The following MYRFL variants were observed in gnomAD, a reference collection of about 807,000 sequenced individuals.
MYRFL encodes the protein myelin regulatory factor-like protein.
MYRFL carries 88 observed loss-of-function variants against 109.4 expected under a neutral mutation model. The ratio of observed to expected loss-of-function variants is 0.80; its 90% CI spans 0.68 to 0.96. The LOEUF (loss-of-function observed/expected upper bound fraction) is 0.96, where lower values mean the gene tolerates loss of function less well. MYRFL is among the 40% of genes least tolerant of loss of function. MYRFL has a pLI of 0.00. For missense variants in MYRFL, 957 were observed against 954.9 expected (o/e 1.00, Z -0.03); for synonymous variants, 324 against 320.9 (o/e 1.01, Z -0.10).
intron 6 of MYRFL, among the ~76,000 whole-genome samples, chr12:69,887,810 T>C (rs181999775): frequency 2.4e-3 from 370 of 152,346 alleles, no homozygotes; most frequent in Non-Finnish European, 3.9e-3. Context: ...TTGGTGTGTT[T>C]AATAAGCTAA....
intron 21 of MYRFL, 74 bp downstream of exon 21, chr12:69,952,960 T>A: frequency 1.1e-6 from 1 of 937,806 alleles, no homozygotes; most frequent in Non-Finnish European, 1.6e-6. Context: ...AAGACTGCAG[T>A]GGAAGCTAAA....
Position 69,958,630 on chromosome 12 carries a change from A to ATAT in MYRFL, c.*99_*100insTAT, listed in dbSNP as rs1956149581. 1 of 889,324 alleles carries ATAT rather than the reference A, an allele frequency of 1.1e-6. No individual in the cohort carries two copies. The highest frequency in any genetic ancestry group is 3.0e-5 in the Admixed American group (1 of 33,870). 55.1% of individuals were successfully genotyped at this position (889,324 alleles called of 1,614,324 possible). A position where few individuals can be genotyped will look rare whatever the true frequency, so the allele number is the denominator to read the frequency against. ...CAACTTCTTTTTTCTTCTTTGTAAAACATTTACGTTTATTGCTGAAGGACT... is the reference window on the plus strand; with the variant it reads ...CAACTTCTTTTTTCTTCTTTGTAAAATATCATTTACGTTTATTGCTGAAGGACT... On this transcript the variant is annotated 3_prime_UTR_variant, in exon 25 of 25. Transcript: ENST00000552032.
chr12:69,951,628 A>G (rs1955978368), intron 19 of MYRFL, among the ~76,000 whole-genome samples: 1 of 151,856 alleles, frequency 6.6e-6, no homozygotes. Context: ...GGGTTTCACC[A>G]TGTTGGCCAG....
At chr12:69,932,707 C>A in intron 16 of MYRFL, 109 bp downstream of exon 16, 1 of 774,764 alleles carries the variant, frequency 1.3e-6, no homozygotes, top group Non-Finnish European at 2.1e-6. Context: ...AGACAAGAAG[C>A]CCTTTAAACT....
At chr12:69,877,063 A>G (rs1391007866) in intron 2 of MYRFL, among the ~76,000 whole-genome samples, 4 of 91,092 alleles carry the variant, frequency 4.4e-5, no homozygotes, top group Admixed American at 1.1e-4. Flanking sequence ...TCGCTCGGTC[A>G]GCTAGGCTGG....
chr12:69,932,689 T>C, intron 16 of MYRFL, 91 bp downstream of exon 16: 1 of 931,946 alleles, frequency 1.1e-6, no homozygotes. Context: ...CTGGCCTGTT[T>C]ACTTTGAAGA....
intron 2 of MYRFL, among the ~76,000 whole-genome samples, chr12:69,877,031 T>TTC (rs1565988332): frequency 1.5e-4 from 5 of 32,482 alleles, no homozygotes; most frequent in Admixed American, 2.7e-4. Context: ...TTCTTTTTTT[T>TTC]TTTTTTTTTT....
intron 6 of MYRFL, among the ~76,000 whole-genome samples, chr12:69,888,494 T>C (rs1446669759): frequency 6.6e-6 from 1 of 152,234 alleles, no homozygotes; most frequent in Non-Finnish European, 1.5e-5. Context: ...CAAAGAACTT[T>C]TAAAAAGCCA....
At chr12:69,904,141 C>A in intron 11 of MYRFL, 1 of 287,190 alleles carries the variant, frequency 3.5e-6, no homozygotes, top group Non-Finnish European at 6.5e-6. Flanking sequence ...GCCCTTCCTT[C>A]CATACTTTGT....
intron 8 of MYRFL, 26 bp from the exon 9 acceptor site, chr12:69,895,344 GT>G (rs139690592): frequency 0.028 from 32,412 of 1,147,810 alleles, no homozygotes; most frequent in East Asian, 0.041. Flanking sequence ...TAGTCTCTTG[GT>G]TTTTTTTTTT....
rs1884737925 is a variant in MYRFL, at chr12:69,862,375, C to A, written c.137+7005C>A. ...TTTTCACAATATTGATTCTTCCTAC[C>A]CATGAGCATGAAATGTTCTTCCATT... On this transcript the variant is annotated intron_variant, in intron 2 of 24. Coordinates refer to ENST00000552032, the MANE Select transcript of MYRFL (RefSeq NM_182530.3). 5.3e-5 allele frequency among the ~76,000 whole-genome samples: 8 copies of A among 152,256 alleles called. No homozygotes were observed. In the South Asian group the frequency reaches 1.7e-3, roughly 32 times the overall value.
chr12:69,862,859 C>T (rs1342000810), intron 2 of MYRFL, among the ~76,000 whole-genome samples: 2 of 152,076 alleles, frequency 1.3e-5, no homozygotes, highest in Non-Finnish European at 2.9e-5. Flanking sequence ...CAGTTTTTGC[C>T]CATTCAGTAT....
rs191843799 is a variant in MYRFL, at chr12:69,891,984, C to T, written c.903+818C>T. 1.8e-3 allele frequency among the ~76,000 whole-genome samples: 281 copies of T among 152,112 alleles called. 1 individual carries two copies. Among genetic ancestry groups the T allele is most frequent in the African/African-American group, 6.0e-3 (251 of 41,528 alleles). Reference sequence around the variant, plus strand: ...GAGCTACCATATCCAGCCAAGATGTCGATTTCGTAAGCCTGGGCTCAGAAA... The same window carrying T: ...GAGCTACCATATCCAGCCAAGATGTTGATTTCGTAAGCCTGGGCTCAGAAA... On this transcript the variant is annotated intron_variant, in intron 7 of 24. Coordinates refer to ENST00000552032, the MANE Select transcript of MYRFL (RefSeq NM_182530.3).
At chr12:69,834,572 G>A (rs1176758215) in intron 1 of MYRFL, among the ~76,000 whole-genome samples, 1 of 152,188 alleles carries the variant, frequency 6.6e-6, no homozygotes, top group Non-Finnish European at 1.5e-5. Flanking sequence ...ACGTTAAAAT[G>A]ACAGAATAAA....
Position 69,891,077 on chromosome 12 carries a change from A to C in MYRFL, c.814A>C (p.Ile272Leu), listed in dbSNP as rs1179859908. The change falls in exon 7 of 25, where the codon ATC (isoleucine) becomes CTC (leucine). Residue 272 changes from isoleucine (I) to leucine (L), a missense_variant. Coordinates refer to ENST00000552032, the MANE Select transcript of MYRFL (RefSeq NM_182530.3). Reference sequence around the variant, plus strand: ...GAATCATTTCCAGATAACCATTCACATCCAAGTTTGGGGAAGTCCAAAATT... The same window carrying C: ...GAATCATTTCCAGATAACCATTCACCTCCAAGTTTGGGGAAGTCCAAAATT... ...KKNHFQITIH[I>L]QVWGSPKFVE... 29 of 1,535,114 alleles carry C rather than the reference A, an allele frequency of 1.9e-5. No homozygotes were observed. The highest frequency in any genetic ancestry group is 2.4e-5 in the Non-Finnish European group (28 of 1,146,572).
At chr12:69,950,882 C>T (rs1321645431) in intron 19 of MYRFL, among the ~76,000 whole-genome samples, 1 of 152,046 alleles carries the variant, frequency 6.6e-6, no homozygotes, top group African/African-American at 2.4e-5. Context: ...CATTCACAAA[C>T]TAGATAGGAA....
At chr12:69,850,063 T>C (rs889543352) in intron 1 of MYRFL, among the ~76,000 whole-genome samples, 2 of 152,158 alleles carry the variant, frequency 1.3e-5, no homozygotes, top group African/African-American at 4.8e-5. Context: ...GTTCTTGTGA[T>C]AGTGAATGAA....
chr12:69,942,845 C>A (rs10879060), intron 19 of MYRFL, among the ~76,000 whole-genome samples: 46,970 of 151,000 alleles, frequency 0.31, 7,632 homozygotes, highest in East Asian at 0.48. Flanking sequence ...AAGTCTCAGG[C>A]TACAAAATCA....
At chr12:69,935,087 G>T (rs2085697913) in intron 16 of MYRFL, among the ~76,000 whole-genome samples, 1 of 152,150 alleles carries the variant, frequency 6.6e-6, no homozygotes, top group African/African-American at 2.4e-5. Flanking sequence ...CATCTTTGGG[G>T]TTCATCATCA....
Sources: gnomAD v4.1 joint callset for allele counts (sites outside exome capture counted in the v4.1 genomes callset) on GRCh38, gnomAD v4.1.1 for gene constraint, MANE v1.5 for transcripts, NCBI Gene and HGNC (gene_info 2026-07-23, HGNC 2026-07-21) for gene names.